RBFOX1: variants seen among roughly 807,000 people sequenced by gnomAD.
The protein encoded by RBFOX1 is RNA binding protein fox-1 homolog 1.
In RBFOX1, 8 loss-of-function variants were observed where a neutral mutation model predicts 57.7. The ratio of observed to expected loss-of-function variants is 0.14; its 90% CI spans 0.08 to 0.25. RBFOX1 has a LOEUF of 0.25. Ranked by LOEUF, RBFOX1 falls within the 10% of genes least tolerant of loss-of-function variation. RBFOX1 has a pLI of 1.00. For synonymous variants in RBFOX1, 326 were observed against 222.4 expected (o/e 1.47, Z -4.15); for missense variants, 611 against 548.5 (o/e 1.11, Z -1.14).
At chr16:6,433,732 C>G (rs1752712464) in intron 2 of RBFOX1, among the ~76,000 whole-genome samples, 1 of 152,108 alleles carries the variant, frequency 6.6e-6, no homozygotes, top group African/African-American at 2.4e-5. Context: ...TTTCTGGGGA[C>G]TGCCACTTTC....
In RBFOX1 at chr16:6,844,169, T is replaced by C. The variant is rs190061336; in HGVS notation, c.-16+189519T>C. On this transcript the variant is annotated intron_variant, in intron 3 of 15. Transcript: ENST00000550418. ...TTACCCCTACAGGCCAGTCCCCTTATAGCTTCTGGAGGAATCTTCTTTTTT... is the reference window on the plus strand; with the variant it reads ...TTACCCCTACAGGCCAGTCCCCTTACAGCTTCTGGAGGAATCTTCTTTTTT... Among the ~76,000 whole-genome samples the C allele has an allele frequency of 2.1e-4, 32 of 152,160 alleles. No individual in the cohort carries two copies. In the East Asian group the frequency reaches 4.6e-3, roughly 22 times the overall value.
chr16:6,792,469 G>A (rs1432230242), intron 3 of RBFOX1, among the ~76,000 whole-genome samples: 2 of 152,126 alleles, frequency 1.3e-5, no homozygotes, highest in African/African-American at 4.8e-5. Flanking sequence ...AAAGACTGGG[G>A]TGAGATGAAT....
intron 3 of RBFOX1, among the ~76,000 whole-genome samples, chr16:6,930,056 A>G (rs2076254507): frequency 6.6e-6 from 1 of 152,160 alleles, no homozygotes. Flanking sequence ...TCTCTCCCAT[A>G]GCAAACCAGC....
At chr16:6,812,561 G>C (rs1420395915) in intron 3 of RBFOX1, among the ~76,000 whole-genome samples, 2 of 151,876 alleles carry the variant, frequency 1.3e-5, no homozygotes, top group East Asian at 1.9e-4. Flanking sequence ...ATTTTTATTA[G>C]AGACAGGGTT....
chr16:7,248,798 C>A (rs775228568), intron 4 of RBFOX1, among the ~76,000 whole-genome samples: 5 of 152,102 alleles, frequency 3.3e-5, no homozygotes, highest in African/African-American at 1.2e-4. Context: ...AGGGAAAATG[C>A]TATTTATAAC....
At chr16:5,538,604 C>G (rs1026729818) in intron 2 of RBFOX1, among the ~76,000 whole-genome samples, 1 of 146,218 alleles carries the variant, frequency 6.8e-6, no homozygotes, top group Non-Finnish European at 1.5e-5. Flanking sequence ...CTGGCCTTTT[C>G]TGGCTTTATT....
At chr16:7,447,051 A>G (rs564208949) in intron 4 of RBFOX1, among the ~76,000 whole-genome samples, 1 of 151,556 alleles carries the variant, frequency 6.6e-6, no homozygotes. Context: ...TGACCTTGTG[A>G]TCTACCCGCC....
At chr16:7,702,305 A>G (rs1367772411) in intron 14 of RBFOX1, among the ~76,000 whole-genome samples, 1 of 152,200 alleles carries the variant, frequency 6.6e-6, no homozygotes, top group East Asian at 1.9e-4. Flanking sequence ...ATTCTGGGCT[A>G]CATTTCTTTG....
chr16:6,882,007 A>T (rs1203289213), intron 3 of RBFOX1, among the ~76,000 whole-genome samples: 1 of 152,178 alleles, frequency 6.6e-6, no homozygotes, highest in Non-Finnish European at 1.5e-5. Context: ...TAAAAAAACT[A>T]AAATCACCAA....
chr16:5,521,356 G>T (rs2044006362), intron 2 of RBFOX1, among the ~76,000 whole-genome samples: 1 of 151,406 alleles, frequency 6.6e-6, no homozygotes, highest in Non-Finnish European at 1.5e-5. Flanking sequence ...TGCTGTTGGG[G>T]GTGGGGTGGG....
intron 1 of RBFOX1, among the ~76,000 whole-genome samples, chr16:5,322,291 C>T (rs1207190489): frequency 6.6e-6 from 1 of 152,176 alleles, no homozygotes; most frequent in East Asian, 1.9e-4. Flanking sequence ...ATTTCTCAGA[C>T]TGCCTCTCAG....
chr16:5,887,482 A>G (rs898190407), intron 4 of RBFOX1, among the ~76,000 whole-genome samples: 2 of 151,830 alleles, frequency 1.3e-5, no homozygotes, highest in Admixed American at 6.6e-5. Context: ...GCTAAGTGCA[A>G]CCTGCACCTG....
At chr16:6,852,383 G>C (rs745450471) in intron 3 of RBFOX1, among the ~76,000 whole-genome samples, 9 of 152,094 alleles carry the variant, frequency 5.9e-5, no homozygotes, top group African/African-American at 9.7e-5. Context: ...CATCAGTTCA[G>C]TCACATCAGC....
intron 1 of RBFOX1, among the ~76,000 whole-genome samples, chr16:6,266,077 G>T (rs2074451281): frequency 6.6e-6 from 1 of 152,108 alleles, no homozygotes; most frequent in Admixed American, 6.5e-5. Context: ...AATGAAACGT[G>T]GGGGAAGTGA....
Position 5,646,660 on chromosome 16 carries a change from A to T in RBFOX1, c.318+47699A>T, listed in dbSNP as rs531840331. On this transcript the variant is annotated intron_variant, in intron 3 of 19. Coordinates refer to the RBFOX1 transcript ENST00000641259. ...CTTATTTTTTATTTTTTTGAGATGG[A>T]GTCTCGCTTTGTCACCCAGGCTGGA... Among the ~76,000 whole-genome samples the T allele has an allele frequency of 6.6e-5, 10 of 151,880 alleles. No homozygotes were observed. In the East Asian group the frequency reaches 1.9e-3, roughly 30 times the overall value.
At chr16:6,630,629 A>G (rs560829780) in intron 2 of RBFOX1, among the ~76,000 whole-genome samples, 19 of 152,234 alleles carry the variant, frequency 1.2e-4, no homozygotes, top group Admixed American at 8.5e-4. Flanking sequence ...CAGAAACCCA[A>G]TTTGGGCCCA....
intron 3 of RBFOX1, among the ~76,000 whole-genome samples, chr16:5,814,801 C>T (rs761136165): frequency 5.3e-5 from 8 of 152,232 alleles, no homozygotes; most frequent in Non-Finnish European, 7.4e-5. Context: ...CGGTGGAGGG[C>T]GCCTGTAGTC....
chr16:7,442,108 G>T (rs778900150), intron 4 of RBFOX1, among the ~76,000 whole-genome samples: 3 of 152,172 alleles, frequency 2.0e-5, no homozygotes, highest in Non-Finnish European at 2.9e-5. Context: ...TCAGCCTCCA[G>T]GTGCCCAGGG....
intron 2 of RBFOX1, among the ~76,000 whole-genome samples, chr16:5,485,776 G>A (rs1267319789): frequency 6.6e-6 from 1 of 152,210 alleles, no homozygotes; most frequent in African/African-American, 2.4e-5. Flanking sequence ...GTGCTTGTGA[G>A]TGTGCCCCCT....
Sources: allele counts gnomAD v4.1 joint callset (sites outside exome capture counted in the v4.1 genomes callset), GRCh38; gene constraint gnomAD v4.1.1; transcripts MANE v1.5; gene names NCBI Gene and HGNC (gene_info 2026-07-23, HGNC 2026-07-21).